MCM6: variants seen among roughly 807,000 people sequenced by gnomAD.
MCM6 encodes DNA replication licensing factor MCM6.
MCM6 carries 46 observed loss-of-function variants against 94.3 expected under a neutral mutation model. That is an observed-to-expected ratio of 0.49 (90% confidence interval 0.39 to 0.62). The LOEUF is 0.62. MCM6 is among the 20% of genes least tolerant of loss of function. The pLI, the probability that MCM6 is intolerant of heterozygous loss-of-function variation, is 0.00. For synonymous variants in MCM6, 335 were observed against 351.9 expected (o/e 0.95, Z 0.54); for missense variants, 865 against 1,017.9 (o/e 0.85, Z 2.04).
chr2:135,869,124 T>C (rs1033303824), intron 3 of MCM6, among the ~76,000 whole-genome samples: 6 of 152,074 alleles, frequency 3.9e-5, no homozygotes, highest in Admixed American at 3.3e-4. Flanking sequence ...CAGAACGGGC[T>C]GGGCGCAGTG....
chr2:135,875,624 A>T (rs577019621), intron 1 of MCM6, among the ~76,000 whole-genome samples: 1 of 152,312 alleles, frequency 6.6e-6, no homozygotes, highest in Admixed American at 6.5e-5. Flanking sequence ...CTAGGAGCCC[A>T]GAGGCACAGA....
Position 135,862,749 on chromosome 2 carries a change from C to G in MCM6, c.1079-1G>C, listed in dbSNP as rs1680020090. ...ACACCCCGTTTTACTTCATCATTGC[C>G]TGAAATGAAAAGAAGCTACAGATGA... On this transcript the variant is annotated splice_acceptor_variant, in intron 7 of 16. Transcript: ENST00000264156. LOFTEE classifies it high-confidence loss of function. 1 of 1,612,730 alleles carries G rather than the reference C, an allele frequency of 6.2e-7. No individual in the cohort carries two copies. The highest frequency in any genetic ancestry group is 1.1e-5 in the South Asian group (1 of 90,912).
Position 135,851,469 on chromosome 2 carries a change from G to A in MCM6, c.1850C>T (p.Thr617Ile). ...SGVTKSSWRITVRQLESMIRL... is the reference protein window; with the variant it reads ...SGVTKSSWRIIVRQLESMIRL... ...AATCATGCTCTCAAGCTGTCGCACT[G>A]TAATCCTCCATGAAGACTTGGTCAC... is the stretch of plus-strand genomic sequence containing the variant. The change falls in exon 13 of 17, where the codon ACA becomes ATA. Residue 617 changes from threonine (T) to isoleucine (I), a missense_variant. Coordinates refer to ENST00000264156, the MANE Select transcript of MCM6 (RefSeq NM_005915.6). The A allele has an allele frequency of 6.2e-7, 1 of 1,613,774 alleles. No homozygotes were observed. Among genetic ancestry groups the A allele is most frequent in the Non-Finnish European group, 8.5e-7 (1 of 1,179,866 alleles).
intron 1 of MCM6, among the ~76,000 whole-genome samples, chr2:135,875,406 CACA>C (rs1680275977): frequency 6.6e-6 from 1 of 151,942 alleles, no homozygotes; most frequent in South Asian, 2.1e-4. Context: ...GTGACGGCTG[CACA>C]ACGAGGTGAA....
chr2:135,859,328 C>T lies in MCM6; in HGVS notation c.1335G>A (p.Glu445=). 1 of 1,613,752 alleles carries T rather than the reference C, an allele frequency of 6.2e-7. No homozygotes were observed. The highest frequency in any genetic ancestry group is 1.1e-5 in the South Asian group (1 of 91,036). Reference sequence around the variant, plus strand: ...TATCAGCCAACATCAAAGCTCCAGCCTCAATGACAAACTCATGAGATTCTT... The same window carrying T: ...TATCAGCCAACATCAAAGCTCCAGCTTCAATGACAAACTCATGAGATTCTT... ...RDEESHEFVI[E]AGALMLADNG... The change falls in exon 9 of 17, where the codon GAG becomes GAA. Residue 445 remains glutamate (E), a synonymous_variant. Transcript: ENST00000264156.
At chr2:135,873,204 G>A (rs1680235897) in intron 1 of MCM6, among the ~76,000 whole-genome samples, 1 of 152,182 alleles carries the variant, frequency 6.6e-6, no homozygotes, top group South Asian at 2.1e-4. Flanking sequence ...TAAGACATCA[G>A]TGACTTGCTC....
At chr2:135,854,077 G>T (rs1317807016) in intron 11 of MCM6, among the ~76,000 whole-genome samples, 1 of 152,052 alleles carries the variant, frequency 6.6e-6, no homozygotes, top group Non-Finnish European at 1.5e-5. Context: ...AAATACAAAA[G>T]TTAGCTGGGC....
chr2:135,863,224 AT>A (rs1278443273), intron 7 of MCM6, among the ~76,000 whole-genome samples: 1 of 152,250 alleles, frequency 6.6e-6, no homozygotes, highest in Non-Finnish European at 1.5e-5. Context: ...TGTTAACTGA[AT>A]TCATGTGGAT....
intron 7 of MCM6, among the ~76,000 whole-genome samples, chr2:135,863,043 C>T (rs941695727): frequency 2.6e-5 from 4 of 152,180 alleles, no homozygotes; most frequent in Admixed American, 6.5e-5. Flanking sequence ...AAAACCTTAC[C>T]CAATGCCTTA....
intron 15 of MCM6, among the ~76,000 whole-genome samples, chr2:135,845,590 C>T (rs1002181605): frequency 1.3e-5 from 2 of 152,176 alleles, no homozygotes; most frequent in African/African-American, 4.8e-5. Context: ...TCCAGAAAGC[C>T]AGCACAAGCC....
In MCM6 at chr2:135,866,673, A is replaced by G. The variant is rs1353526294; in HGVS notation, c.671T>C (p.Leu224Ser). Residue 224 changes from leucine to serine, a missense_variant, in exon 5 of 17, where the codon TTA becomes TCA. Around this residue, in one of 3 missense-constraint regions of MCM6, gnomAD observed 404 missense variants for 451.9 expected, o/e 0.89. Coordinates refer to ENST00000264156, the MANE Select transcript of MCM6 (RefSeq NM_005915.6). ...AGCTTCAGCCCTTAAAATTACTTCT[A>G]AACTGCGGGGGATACTCCCTCGAGG... ...ELPRGSIPRS[L>S]EVILRAEAVE... The G allele has an allele frequency of 2.5e-6, 4 of 1,614,124 alleles. No individual in the cohort carries two copies. Among genetic ancestry groups the G allele is most frequent in the Non-Finnish European group, 3.4e-6 (4 of 1,180,022 alleles).
intron 12 of MCM6, among the ~76,000 whole-genome samples, chr2:135,852,548 C>A (rs1679796777): frequency 1.3e-5 from 2 of 152,064 alleles, no homozygotes; most frequent in South Asian, 4.1e-4. Context: ...ACTCTTCTCC[C>A]ATACAAATCT....
intron 8 of MCM6, among the ~76,000 whole-genome samples, chr2:135,860,628 T>C (rs1392744620): frequency 6.6e-6 from 1 of 152,156 alleles, no homozygotes. Context: ...CCTAAACAGA[T>C]GTAGAAAAAG....
intron 8 of MCM6, among the ~76,000 whole-genome samples, chr2:135,860,620 T>C (rs1433762327): frequency 1.3e-5 from 2 of 152,162 alleles, no homozygotes. Context: ...CATGACCACC[T>C]AAACAGATGT....
At chr2:135,859,196 A>T in intron 9 of MCM6, 105 bp downstream of exon 9, 2 of 950,702 alleles carry the variant, frequency 2.1e-6, no homozygotes, top group Non-Finnish European at 3.1e-6. Context: ...CCCAGCTGAG[A>T]ATGCTGTTTT....
intron 4 of MCM6, among the ~76,000 whole-genome samples, chr2:135,867,854 T>A (rs1165134079): frequency 6.6e-6 from 1 of 152,042 alleles, no homozygotes; most frequent in Non-Finnish European, 1.5e-5. Flanking sequence ...GATGAAACCC[T>A]GTCTCTACTA....
chr2:135,842,315 T>C (rs1679589774), intron 16 of MCM6, among the ~76,000 whole-genome samples: 1 of 151,998 alleles, frequency 6.6e-6, no homozygotes, highest in African/African-American at 2.4e-5. Flanking sequence ...TACCCCTCAA[T>C]AATCACAGAC....
chr2:135,866,476 AAAG>A (rs1680096989), intron 5 of MCM6, 84 bp downstream of exon 5: 1 of 1,474,114 alleles, frequency 6.8e-7, no homozygotes, highest in African/African-American at 1.4e-5. Context: ...TGGTAGCCAA[AAAG>A]AAGACAATGA....
intron 6 of MCM6, 80 bp downstream of exon 6, chr2:135,866,050 CAT>C: frequency 6.7e-7 from 1 of 1,486,002 alleles, no homozygotes; most frequent in Non-Finnish European, 9.2e-7. Context: ...TACAGTGAGC[CAT>C]GACTTTGCCA....
Sources: gnomAD v4.1 joint callset for allele counts (sites outside exome capture counted in the v4.1 genomes callset) on GRCh38, gnomAD v4.1.1 for gene constraint, gnomAD v4.1.1 regional missense constraint, MANE v1.5 for transcripts, NCBI Gene and HGNC (gene_info 2026-07-23, HGNC 2026-07-21) for gene names.